Variants in SCN11A observed in about 807,000 individuals in gnomAD.
SCN11A encodes sodium voltage-gated channel alpha subunit 11, also known as sodium channel protein type 11 subunit alpha.
SCN11A carries 122 observed loss-of-function variants against 162.2 expected under a neutral mutation model. The observed-to-expected ratio is 0.75, with a 90% CI of 0.65 to 0.87. SCN11A has a LOEUF of 0.87. SCN11A is among the 40% of genes least tolerant of loss of function. The probability of loss-of-function intolerance (pLI) is 0.00; values close to 1 mark genes in which losing one functional copy is unlikely to be tolerated. For synonymous variants in SCN11A, 758 were observed against 751.5 expected (o/e 1.01, Z -0.14); for missense variants, 2,015 against 2,181.6 (o/e 0.92, Z 1.52).
chr3:38,912,298 C>G (rs967948211), intron 11 of SCN11A, among the ~76,000 whole-genome samples: 3 of 152,034 alleles, frequency 2.0e-5, no homozygotes, highest in Admixed American at 2.0e-4. Flanking sequence ...TAAGCCTCTC[C>G]GCCAGCATCC....
At chr3:39,013,819 G>A (rs2031212283) in intron 2 of SCN11A, among the ~76,000 whole-genome samples, 1 of 152,214 alleles carries the variant, frequency 6.6e-6, no homozygotes. Flanking sequence ...AGCAACAGCA[G>A]GTCTGGCTGT....
rs562811772 is a variant in SCN11A, at chr3:38,892,983, C to T, written c.2835+1550G>A. On this transcript the variant is annotated intron_variant, in intron 19 of 29. Coordinates refer to ENST00000302328, the MANE Select transcript of SCN11A (RefSeq NM_001349253.2). The stretch of plus-strand genomic sequence containing the variant: ...ACATGGAAGACATATAGAAGACAAA[C>T]AGGAAAATATGAGAAGTAAATAAAC... Among the ~76,000 whole-genome samples, 3 of 151,920 alleles carry T rather than the reference C, an allele frequency of 2.0e-5. No individual in the cohort carries two copies. In the South Asian group the frequency reaches 6.2e-4, roughly 32 times the overall value.
chr3:38,912,390 G>A (rs956162830), intron 11 of SCN11A, among the ~76,000 whole-genome samples: 1 of 152,082 alleles, frequency 6.6e-6, no homozygotes, highest in East Asian at 1.9e-4. Context: ...TGCACTTCCC[G>A]CCACTCTCTT....
rs141701464 is a variant in SCN11A at position 38,911,983 on chromosome 3, T to C, written c.960-1776A>G. ...ATGCCTGGTGAGCCTGAGCTGTTCATGTGTTTTAATCAGAGGACCTGACAA... is the reference window on the plus strand; with the variant it reads ...ATGCCTGGTGAGCCTGAGCTGTTCACGTGTTTTAATCAGAGGACCTGACAA... On this transcript the variant is annotated intron_variant, in intron 11 of 29. Transcript: ENST00000302328. Among the ~76,000 whole-genome samples the C allele has an allele frequency of 1.7e-3, 264 of 152,316 alleles. 2 individuals carry two copies. The highest frequency in any genetic ancestry group is 5.9e-3 in the African/African-American group (247 of 41,576).
At position 38,896,867 on chromosome 3, in the gene SCN11A, A is replaced by G. The variant is rs147636808; in HGVS notation, c.2381T>C (p.Ile794Thr). Residue 794 changes from isoleucine to threonine, a missense_variant, in exon 18 of 30, where the codon ATC becomes ACC. By Grantham distance (89) the Ile-to-Thr change is moderately conservative. Coordinates refer to ENST00000302328, the MANE Select transcript of SCN11A (RefSeq NM_001349253.2). The part of the protein sequence containing the change: ...SSLCVIVFIL[I>T]TVIGKLVVLN... Reference sequence around the variant, plus strand: ...TACCACAAGTTTTCCTATCACCGTGATCAATATGAAGACAATAACACACAA... The same window carrying G: ...TACCACAAGTTTTCCTATCACCGTGGTCAATATGAAGACAATAACACACAA... 1.0e-4 allele frequency: 161 copies of G among 1,579,762 alleles called. No homozygotes were observed. The highest frequency in any genetic ancestry group is 1.3e-4 in the Non-Finnish European group (155 of 1,159,262).
At chr3:38,852,197 C>T (rs571175818) in intron 28 of SCN11A, among the ~76,000 whole-genome samples, 1 of 152,080 alleles carries the variant, frequency 6.6e-6, no homozygotes, top group South Asian at 2.1e-4. Context: ...AGGGTAGGGA[C>T]AACACTGGAG....
intron 15 of SCN11A, 118 bp from the exon 16 acceptor site, chr3:38,904,221 G>T: frequency 3.3e-6 from 2 of 598,442 alleles, no homozygotes; most frequent in Non-Finnish European, 5.7e-6. Context: ...GATCAGTTGT[G>T]AAATGTTTTG....
At chr3:38,987,841 T>C (rs1407923630) in intron 2 of SCN11A, among the ~76,000 whole-genome samples, 1 of 152,176 alleles carries the variant, frequency 6.6e-6, no homozygotes, top group Non-Finnish European at 1.5e-5. Flanking sequence ...CAAACCTGTC[T>C]GGCTTCTCCA....
At chr3:38,985,081 G>A (rs2030186314) in intron 2 of SCN11A, among the ~76,000 whole-genome samples, 1 of 149,844 alleles carries the variant, frequency 6.7e-6, no homozygotes, top group African/African-American at 2.5e-5. Flanking sequence ...TTAAACAGAG[G>A]ATGACATATT....
At chr3:39,010,481 C>T (rs929294222) in intron 2 of SCN11A, among the ~76,000 whole-genome samples, 5 of 151,804 alleles carry the variant, frequency 3.3e-5, no homozygotes, top group Non-Finnish European at 7.4e-5. Context: ...TGGGTTCACG[C>T]CATTCTCCTG....
intron 2 of SCN11A, among the ~76,000 whole-genome samples, chr3:39,003,206 G>A (rs1052112072): frequency 2.6e-5 from 4 of 151,944 alleles, no homozygotes; most frequent in East Asian, 1.9e-4. Context: ...GTAGACCCCC[G>A]TGTCTATTGT....
intron 9 of SCN11A, among the ~76,000 whole-genome samples, chr3:38,923,097 C>T (rs1260317104): frequency 2.0e-5 from 3 of 152,188 alleles, no homozygotes; most frequent in Non-Finnish European, 4.4e-5. Flanking sequence ...CCAACCTTGG[C>T]TTCATCCTGA....
At chr3:38,938,508 T>TCATATATATATATA (rs1559544767) in intron 7 of SCN11A, among the ~76,000 whole-genome samples, 6 of 71,158 alleles carry the variant, frequency 8.4e-5, no homozygotes, top group African/African-American at 3.4e-4. Context: ...AGGAAAAATA[T>TCATATATATATATA]CATATATATA....
intron 1 of SCN11A, among the ~76,000 whole-genome samples, chr3:39,048,657 G>A (rs1368514463): frequency 6.6e-6 from 1 of 152,076 alleles, no homozygotes; most frequent in Non-Finnish European, 1.5e-5. Context: ...ATAAAAAAAG[G>A]AGTCATCTAA....
At chr3:38,878,267 G>A (rs959654776) in intron 23 of SCN11A, among the ~76,000 whole-genome samples, 3 of 151,840 alleles carry the variant, frequency 2.0e-5, no homozygotes, top group South Asian at 2.1e-4. Flanking sequence ...TTTTAATGGC[G>A]ATCACTAGAT....
intron 4 of SCN11A, among the ~76,000 whole-genome samples, chr3:38,951,579 G>T (rs1019168901): frequency 1.3e-5 from 2 of 152,266 alleles, no homozygotes; most frequent in Non-Finnish European, 2.9e-5. Context: ...CTGCGGCCCC[G>T]GTGCGGGATC....
chr3:38,901,866 C>T (rs1042265387), intron 16 of SCN11A, among the ~76,000 whole-genome samples: 9 of 152,180 alleles, frequency 5.9e-5, no homozygotes, highest in Admixed American at 5.9e-4. Flanking sequence ...TGCCTGTGTA[C>T]TTGGAAAACA....
At chr3:38,900,627 CAAAAA>C (rs200757973) in intron 16 of SCN11A, among the ~76,000 whole-genome samples, 2 of 101,832 alleles carry the variant, frequency 2.0e-5, no homozygotes, top group African/African-American at 6.0e-5. Context: ...CTTCCAGGGG[CAAAAA>C]AAAAAAAAAA....
At chr3:38,982,921 T>A (rs2030113184) in intron 2 of SCN11A, among the ~76,000 whole-genome samples, 1 of 152,208 alleles carries the variant, frequency 6.6e-6, no homozygotes, top group Admixed American at 6.5e-5. Context: ...GCTTACCCCA[T>A]ATGCCAGACA....
Sources: allele counts gnomAD v4.1 joint callset (sites outside exome capture counted in the v4.1 genomes callset), GRCh38; gene constraint gnomAD v4.1.1; transcripts MANE v1.5; gene names NCBI Gene and HGNC (gene_info 2026-07-23, HGNC 2026-07-21).